COL19A1: variants seen among roughly 807,000 people sequenced by gnomAD.
The protein encoded by COL19A1 is collagen alpha-1(XIX) chain.
COL19A1 carries 159 observed loss-of-function variants against 190.2 expected under a neutral mutation model. The observed-to-expected ratio is 0.84, with a 90% CI of 0.73 to 0.95. COL19A1 has a LOEUF of 0.95. Among genes scored for constraint, COL19A1 ranks in the 40% least tolerant of loss-of-function variants. The pLI, the probability that COL19A1 is intolerant of heterozygous loss-of-function variation, is 0.00. For missense variants in COL19A1, 1,418 were observed against 1,431.9 expected (o/e 0.99, Z 0.16); for synonymous variants, 509 against 458.9 (o/e 1.11, Z -1.39).
chr6:69,914,249 C>G (rs1561989981), intron 4 of COL19A1, among the ~76,000 whole-genome samples: 1 of 152,188 alleles, frequency 6.6e-6, no homozygotes, highest in Non-Finnish European at 1.5e-5. Context: ...ATTTCAGAGT[C>G]TCTGTGGCTG....
At position 70,199,280 on chromosome 6, in the gene COL19A1, T is replaced by C. The variant is rs370294680; in HGVS notation, c.3095-328T>C. On this transcript the variant is annotated intron_variant, in intron 48 of 50. Coordinates refer to ENST00000620364, the MANE Select transcript of COL19A1 (RefSeq NM_001858.6). ...TTAAAGTTATTATGAAATCATTTTT[T>C]AATGTGAACCTAAACTCTCTCCACA... 9.5e-4 allele frequency among the ~76,000 whole-genome samples: 144 copies of C among 152,354 alleles called. 6 individuals carry two copies. In the South Asian group the frequency reaches 0.024, roughly 25 times the overall value.
chr6:70,104,416 C>T (rs1189963244), intron 16 of COL19A1, among the ~76,000 whole-genome samples: 1 of 152,066 alleles, frequency 6.6e-6, no homozygotes, highest in Non-Finnish European at 1.5e-5. Context: ...GGGAAGTGCA[C>T]TTTTAAGCAA....
intron 11 of COL19A1, among the ~76,000 whole-genome samples, chr6:69,976,505 G>A (rs999303596): frequency 6.6e-6 from 1 of 152,140 alleles, no homozygotes; most frequent in Admixed American, 6.6e-5. Context: ...GATATGAAAT[G>A]CTTGATGGTG....
chr6:69,928,609 A>G (rs938234788), intron 5 of COL19A1, among the ~76,000 whole-genome samples: 5 of 152,154 alleles, frequency 3.3e-5, no homozygotes, highest in African/African-American at 1.2e-4. Flanking sequence ...TATGTTGAAC[A>G]AGTGCAGTGG....
chr6:70,170,385 C>T (rs2150271869), intron 40 of COL19A1, among the ~76,000 whole-genome samples: 1 of 152,306 alleles, frequency 6.6e-6, no homozygotes, highest in Admixed American at 6.5e-5. Flanking sequence ...ACTCTTCCAA[C>T]ATTCTTCAAA....
At chr6:70,000,504 A>G (rs973664222) in intron 11 of COL19A1, among the ~76,000 whole-genome samples, 4 of 152,102 alleles carry the variant, frequency 2.6e-5, no homozygotes, top group Admixed American at 1.3e-4. Flanking sequence ...AAGCATTCCT[A>G]TTTCTCCACA....
At chr6:70,090,258 C>T (rs376989103) in intron 15 of COL19A1, among the ~76,000 whole-genome samples, 4 of 152,008 alleles carry the variant, frequency 2.6e-5, no homozygotes, top group African/African-American at 7.2e-5. Flanking sequence ...GTTTTACATC[C>T]GTGGATTCAA....
intron 3 of COL19A1, among the ~76,000 whole-genome samples, chr6:69,899,668 C>G (rs1266662880): frequency 6.6e-6 from 1 of 152,076 alleles, no homozygotes; most frequent in African/African-American, 2.4e-5. Flanking sequence ...TTTTGGTAAT[C>G]CTTGTTATCT....
In COL19A1 at chr6:70,061,788, T is replaced by C. The variant is rs552924758; in HGVS notation, c.1171-6635T>C. Among the ~76,000 whole-genome samples the C allele has an allele frequency of 1.1e-3, 174 of 152,234 alleles. 1 individual carries two copies. Among genetic ancestry groups the C allele is most frequent in the Non-Finnish European group, 1.9e-3 (126 of 67,986 alleles). On this transcript the variant is annotated intron_variant, in intron 14 of 50. Transcript: ENST00000620364. Reference sequence around the variant, plus strand: ...GACTATTCATGAAATTATAATAGTTTTCCTAAGGATAAGAGAGAAGAGTTT... The same window carrying C: ...GACTATTCATGAAATTATAATAGTTCTCCTAAGGATAAGAGAGAAGAGTTT...
chr6:70,038,076 A>T (rs2150120274), intron 14 of COL19A1, among the ~76,000 whole-genome samples: 1 of 152,354 alleles, frequency 6.6e-6, no homozygotes, highest in South Asian at 2.1e-4. Context: ...TAAATATTTA[A>T]TTGATCTTAT....
chr6:70,196,687 G>C (rs1389173439), intron 48 of COL19A1, among the ~76,000 whole-genome samples: 1 of 152,190 alleles, frequency 6.6e-6, no homozygotes, highest in Non-Finnish European at 1.5e-5. Flanking sequence ...GACTGCTGTG[G>C]CTTTGCCTTG....
At chr6:69,899,067 A>T (rs890669452) in intron 3 of COL19A1, 45 bp downstream of exon 3, 4 of 1,259,484 alleles carry the variant, frequency 3.2e-6, no homozygotes, top group Non-Finnish European at 4.6e-6. Flanking sequence ...ATGTAAAATT[A>T]TCACCAAATG....
intron 11 of COL19A1, among the ~76,000 whole-genome samples, chr6:69,968,058 T>C (rs922760498): frequency 6.6e-6 from 1 of 152,212 alleles, no homozygotes; most frequent in African/African-American, 2.4e-5. Context: ...ATGACATAAT[T>C]CAAATTTTTG....
rs566644274 is a variant in COL19A1, at chr6:70,160,007, A to G, written c.2293-1893A>G. 2.0e-5 allele frequency among the ~76,000 whole-genome samples: 3 copies of G among 152,284 alleles called. No homozygotes were observed. In the South Asian group the frequency reaches 6.2e-4, roughly 32 times the overall value. On this transcript the variant is annotated intron_variant, in intron 34 of 50. Coordinates refer to ENST00000620364, the MANE Select transcript of COL19A1 (RefSeq NM_001858.6). ...GTCCACTATTGAAAATTGGGAAAAT[A>G]CAAAAATGCACTAAAAGATAAAATT... is the stretch of plus-strand genomic sequence containing the variant.
At chr6:70,035,112 C>T (rs973757311) in intron 13 of COL19A1, among the ~76,000 whole-genome samples, 1 of 152,200 alleles carries the variant, frequency 6.6e-6, no homozygotes, top group African/African-American at 2.4e-5. Flanking sequence ...TGTGAGACTA[C>T]AGCATCCTGG....
At chr6:70,188,374 A>G (rs1766659470) in intron 47 of COL19A1, 129 bp downstream of exon 47, 6 of 1,088,574 alleles carry the variant, frequency 5.5e-6, no homozygotes, top group Non-Finnish European at 7.6e-6. Context: ...GAGGGCAATA[A>G]TAGCTGTCAT....
chr6:70,047,806 C>G (rs1562118447), intron 14 of COL19A1, among the ~76,000 whole-genome samples: 1 of 152,122 alleles, frequency 6.6e-6, no homozygotes, highest in Non-Finnish European at 1.5e-5. Context: ...AGAAGCAAGA[C>G]AGGGACTATG....
intron 11 of COL19A1, among the ~76,000 whole-genome samples, chr6:69,967,329 A>T (rs927981966): frequency 3.3e-5 from 5 of 152,172 alleles, no homozygotes; most frequent in African/African-American, 1.2e-4. Flanking sequence ...GGGCCTCTTA[A>T]GTTTGATAAA....
At chr6:70,141,510 C>T (rs934319763) in intron 20 of COL19A1, among the ~76,000 whole-genome samples, 1 of 151,912 alleles carries the variant, frequency 6.6e-6, no homozygotes, top group African/African-American at 2.4e-5. Context: ...AGTAGAATCA[C>T]CAACACATAT....
Sources: allele counts gnomAD v4.1 joint callset (sites outside exome capture counted in the v4.1 genomes callset), GRCh38; gene constraint gnomAD v4.1.1; transcripts MANE v1.5; gene names NCBI Gene and HGNC (gene_info 2026-07-23, HGNC 2026-07-21).